Variants in FUT8 observed in about 807,000 individuals in gnomAD.
FUT8 encodes alpha-(1,6)-fucosyltransferase.
In FUT8, 29 loss-of-function variants were observed where a neutral mutation model predicts 71.3. That is an observed-to-expected ratio of 0.41 (90% CI 0.30 to 0.55). FUT8 has a LOEUF of 0.55. FUT8 is among the 20% of genes least tolerant of loss of function. The pLI is 0.34. For missense variants in FUT8, 544 were observed against 702.1 expected (o/e 0.77, Z 2.55); for synonymous variants, 254 against 239.3 (o/e 1.06, Z -0.57).
At position 65,417,463 on chromosome 14, in the gene FUT8, T is replaced by C. The variant is rs376082167; in HGVS notation, c.-326+4249T>C. ...TTCTGAACATAAAACCCATATAAAC[T>C]TTATATGATACTACACATTTTCCTT... On this transcript the variant is annotated intron_variant, in intron 1 of 10. Transcript: ENST00000673929. Among the ~76,000 whole-genome samples, 9 of 152,296 alleles carry C rather than the reference T, an allele frequency of 5.9e-5. No homozygotes were observed. The East Asian group carries it at 1.5e-3, about 26-fold the overall frequency.
intron 7 of FUT8, among the ~76,000 whole-genome samples, chr14:65,694,056 T>C (rs1167081264): frequency 6.6e-6 from 1 of 152,234 alleles, no homozygotes; most frequent in East Asian, 1.9e-4. Context: ...ATTTCTAATA[T>C]TAGTAATTTG....
chr14:65,456,650 G>A (rs904714761), intron 2 of FUT8, among the ~76,000 whole-genome samples: 9 of 151,896 alleles, frequency 5.9e-5, no homozygotes, highest in African/African-American at 1.9e-4. Flanking sequence ...TGAGGCGGGC[G>A]GATCATGAGG....
At chr14:65,575,793 T>C (rs1171105307) in intron 3 of FUT8, among the ~76,000 whole-genome samples, 1 of 152,130 alleles carries the variant, frequency 6.6e-6, no homozygotes, top group Non-Finnish European at 1.5e-5. Context: ...CTAATTTTTG[T>C]ATTTTTAGTA....
chr14:65,370,368 C>T, the FUT8 span, among the ~76,000 whole-genome samples: 13 of 151,484 alleles, frequency 8.6e-5, no homozygotes, highest in African/African-American at 2.4e-4. Flanking sequence ...CCACCAGGCC[C>T]GGCTAATTTT....
chr14:65,587,426 G>A (rs919197081), intron 3 of FUT8, among the ~76,000 whole-genome samples: 4 of 152,082 alleles, frequency 2.6e-5, no homozygotes, highest in East Asian at 1.9e-4. Context: ...CTGTTACTGC[G>A]TTACACAAGT....
intron 2 of FUT8, among the ~76,000 whole-genome samples, chr14:65,500,343 G>C (rs533839455): frequency 6.6e-6 from 1 of 151,946 alleles, no homozygotes; most frequent in Non-Finnish European, 1.5e-5. Flanking sequence ...CATCATCGTC[G>C]TCATCATTGT....
intron 2 of FUT8, among the ~76,000 whole-genome samples, chr14:65,484,544 C>G (rs2066380458): frequency 1.3e-5 from 2 of 151,942 alleles, no homozygotes; most frequent in South Asian, 4.2e-4. Flanking sequence ...CATGGTGGCA[C>G]ACACCTGTAG....
intron 2 of FUT8, among the ~76,000 whole-genome samples, chr14:65,514,824 A>G (rs1025310821): frequency 3.3e-5 from 5 of 152,112 alleles, no homozygotes; most frequent in African/African-American, 1.2e-4. Context: ...TCATCAAATC[A>G]CTTCTTTACC....
intron 3 of FUT8, among the ~76,000 whole-genome samples, chr14:65,599,051 A>G (rs1440546301): frequency 6.6e-6 from 1 of 152,164 alleles, no homozygotes; most frequent in Non-Finnish European, 1.5e-5. Flanking sequence ...GGCCTCCCAA[A>G]GTGCTGGGAT....
intron 7 of FUT8, among the ~76,000 whole-genome samples, chr14:65,709,143 A>T (rs564969502): frequency 6.6e-6 from 1 of 152,348 alleles, no homozygotes; most frequent in South Asian, 2.1e-4. Context: ...TTAATTTTCA[A>T]TTCAAAATAA....
At chr14:65,562,130 G>A (rs780433881) in intron 3 of FUT8, among the ~76,000 whole-genome samples, 24 of 151,850 alleles carry the variant, frequency 1.6e-4, no homozygotes, top group African/African-American at 2.2e-4. Context: ...GGGAAACCCT[G>A]ATATAATTTC....
At chr14:65,365,328 C>CCT in the FUT8 span, among the ~76,000 whole-genome samples, 23,175 of 138,700 alleles carry the variant, frequency 0.17, 2,002 homozygotes, top group East Asian at 0.35. Context: ...ATAAATTCTT[C>CCT]CTCTCTCTCT....
intron 3 of FUT8, among the ~76,000 whole-genome samples, chr14:65,595,866 C>T (rs1462236651): frequency 6.6e-6 from 1 of 152,142 alleles, no homozygotes; most frequent in Non-Finnish European, 1.5e-5. Context: ...ACCTCAGCTT[C>T]CCAAAGTGCT....
At chr14:65,399,085 A>G in the FUT8 span, among the ~76,000 whole-genome samples, 2 of 152,178 alleles carry the variant, frequency 1.3e-5, no homozygotes, top group Non-Finnish European at 2.9e-5. Context: ...TTGGGAGGCC[A>G]AAGTGGGTGG....
intron 2 of FUT8, among the ~76,000 whole-genome samples, chr14:65,510,300 C>A (rs915140133): frequency 6.6e-6 from 1 of 151,996 alleles, no homozygotes; most frequent in Non-Finnish European, 1.5e-5. Flanking sequence ...GATGAATGAT[C>A]TTTTTAATGT....
intron 3 of FUT8, among the ~76,000 whole-genome samples, chr14:65,608,231 GAT>G (rs1283330627): frequency 6.6e-6 from 1 of 151,638 alleles, no homozygotes; most frequent in Non-Finnish European, 1.5e-5. Context: ...AGTAATTTTT[GAT>G]ATGTTTTAAA....
chr14:65,608,389 G>A (rs1888699010), intron 3 of FUT8, among the ~76,000 whole-genome samples: 1 of 151,860 alleles, frequency 6.6e-6, no homozygotes, highest in African/African-American at 2.4e-5. Context: ...TGTTTTACAT[G>A]AATTATTAAG....
chr14:65,518,041 G>A (rs963121839), intron 2 of FUT8, among the ~76,000 whole-genome samples: 5 of 152,148 alleles, frequency 3.3e-5, no homozygotes, highest in Non-Finnish European at 7.3e-5. Flanking sequence ...CTCTTTCAGA[G>A]TACTTTTCCT....
intron 2 of FUT8, among the ~76,000 whole-genome samples, chr14:65,517,747 C>G (rs1324282092): frequency 6.6e-6 from 1 of 152,164 alleles, no homozygotes; most frequent in Non-Finnish European, 1.5e-5. Context: ...CTACTCCCAC[C>G]TTGCACTGGG....
Sources: allele counts gnomAD v4.1 joint callset (sites outside exome capture counted in the v4.1 genomes callset), GRCh38; gene constraint gnomAD v4.1.1; transcripts MANE v1.5; gene names NCBI Gene and HGNC (gene_info 2026-07-23, HGNC 2026-07-21).